AP3S2: variants seen among roughly 807,000 people sequenced by gnomAD.
AP3S2 encodes the protein AP-3 complex subunit sigma-2.
In AP3S2, 22 loss-of-function variants were observed where a neutral mutation model predicts 23.4. That is an observed-to-expected ratio of 0.94 (90% CI 0.67 to 1.34). The LOEUF is 1.34. AP3S2 is among the 40% of genes most tolerant of loss of function. AP3S2 has a pLI of 0.00. For missense variants in AP3S2, 241 were observed against 236.9 expected (o/e 1.02, Z -0.11); for synonymous variants, 86 against 87.1 (o/e 0.99, Z 0.07).
intron 3 of AP3S2, among the ~76,000 whole-genome samples, chr15:89,881,130 G>A (rs1255196341): frequency 6.6e-6 from 1 of 152,180 alleles, no homozygotes; most frequent in Non-Finnish European, 1.5e-5. Context: ...GACAGAACAA[G>A]TATAAAGGCC....
rs764338290 is a variant in AP3S2, at chr15:89,835,453, C to T, written c.*62G>A. 21 of 1,600,270 alleles carry T rather than the reference C, an allele frequency of 1.3e-5. No individual in the cohort carries two copies. Among genetic ancestry groups the T allele is most frequent in the South Asian group, 5.6e-5 (5 of 89,512 alleles). On this transcript the variant is annotated 3_prime_UTR_variant, in exon 6 of 6. Transcript: ENST00000336418. ...GCTCAAAATGGGTTCTGTTTCCAGA[C>T]GTGCTTGCCTTGCTTGTCTTTGCTT... is the stretch of plus-strand genomic sequence containing the variant.
intron 3 of AP3S2, chr15:89,877,204 C>A: frequency 3.1e-6 from 2 of 651,034 alleles, no homozygotes; most frequent in South Asian, 2.8e-5. Flanking sequence ...TTTAGATGCT[C>A]AGTATGAAAA....
At chr15:89,869,581 A>AG (rs1279721975) in intron 4 of AP3S2, among the ~76,000 whole-genome samples, 14 of 151,118 alleles carry the variant, frequency 9.3e-5, no homozygotes, top group Non-Finnish European at 1.9e-4. Flanking sequence ...AAAAAAAAAA[A>AG]AAAAAGAAAA....
intron 3 of AP3S2, among the ~76,000 whole-genome samples, chr15:89,882,904 T>G (rs1896605795): frequency 6.6e-6 from 1 of 152,204 alleles, no homozygotes; most frequent in Admixed American, 6.5e-5. Context: ...TTCTATAAAC[T>G]CTCCTGACGG....
chr15:89,880,389 AC>A (rs1896541881), intron 3 of AP3S2, among the ~76,000 whole-genome samples: 1 of 152,184 alleles, frequency 6.6e-6, no homozygotes, highest in Non-Finnish European at 1.5e-5. Context: ...GGTATGTGAA[AC>A]TATATTGAAA....
At position 89,835,290 on chromosome 15, in the gene AP3S2, C is replaced by A; in HGVS notation, c.*225G>T. On this transcript the variant is annotated 3_prime_UTR_variant, in exon 6 of 6. Coordinates refer to ENST00000336418, the MANE Select transcript of AP3S2 (RefSeq NM_005829.5). Reference sequence around the variant, plus strand: ...CCCTCACATCTGCAGTGGCCGTATGCATCAGAGAACGGCATGACTGCACAT... The same window carrying A: ...CCCTCACATCTGCAGTGGCCGTATGAATCAGAGAACGGCATGACTGCACAT... 3.0e-6 allele frequency: 2 copies of A among 666,320 alleles called. No individual in the cohort carries two copies. Among genetic ancestry groups the A allele is most frequent in the South Asian group, 2.4e-5 (1 of 42,052 alleles). The allele number at this position is 666,320 out of a possible 1,614,324, so 41.3% of individuals were successfully genotyped here.
intron 1 of AP3S2, 176 bp from the exon 2 acceptor site, chr15:89,889,316 G>A (rs1374638428): frequency 3.0e-6 from 2 of 658,708 alleles, no homozygotes; most frequent in Non-Finnish European, 5.1e-6. Flanking sequence ...TGAAAGATGG[G>A]TGACAATGCT....
intron 3 of AP3S2, among the ~76,000 whole-genome samples, chr15:89,886,022 A>G (rs1014421792): frequency 2.6e-5 from 4 of 151,838 alleles, no homozygotes; most frequent in East Asian, 1.9e-4. Flanking sequence ...CCAATGTACA[A>G]TGTACACTAA....
At chr15:89,854,292 A>G (rs1371638752) in intron 4 of AP3S2, among the ~76,000 whole-genome samples, 9 of 7,194 alleles carry the variant, frequency 1.3e-3, no homozygotes, top group Non-Finnish European at 1.8e-3. Context: ...CGGGAGGGAG[A>G]TGGGGGGGTC....
chr15:89,885,088 A>T (rs185477143), intron 3 of AP3S2, among the ~76,000 whole-genome samples: 1 of 152,334 alleles, frequency 6.6e-6, no homozygotes, highest in Admixed American at 6.5e-5. Context: ...AACTTTAAAA[A>T]ATTCTACTGT....
At chr15:89,869,567 T>TAAAA (rs527600193) in intron 4 of AP3S2, among the ~76,000 whole-genome samples, 4 of 123,416 alleles carry the variant, frequency 3.2e-5, no homozygotes, top group Admixed American at 8.0e-5. Flanking sequence ...GAATTATCAA[T>TAAAA]AAAAAAAAAA....
At chr15:89,883,606 T>C (rs1896624061) in intron 3 of AP3S2, among the ~76,000 whole-genome samples, 1 of 152,080 alleles carries the variant, frequency 6.6e-6, no homozygotes, top group African/African-American at 2.4e-5. Context: ...CTTGAACTCC[T>C]GAGCTCAAGT....
chr15:89,889,863 C>CAAAAAAAA, intron 1 of AP3S2, among the ~76,000 whole-genome samples: 1 of 19,262 alleles, frequency 5.2e-5, no homozygotes, highest in Middle Eastern at 0.015. Flanking sequence ...GACTCCATCT[C>CAAAAAAAA]AAAAAAAAAA....
chr15:89,855,906 T>A (rs1596198416), intron 4 of AP3S2, among the ~76,000 whole-genome samples: 2 of 109,136 alleles, frequency 1.8e-5, no homozygotes, highest in Non-Finnish European at 1.8e-5. Flanking sequence ...TCTGCACCAA[T>A]AATTCCAGCA....
chr15:89,891,617 C>G (rs1473442051), intron 1 of AP3S2, among the ~76,000 whole-genome samples: 1 of 151,386 alleles, frequency 6.6e-6, no homozygotes, highest in Non-Finnish European at 1.5e-5. Context: ...CGAGATCACG[C>G]CACTGCAGCC....
At chr15:89,868,819 T>TGG (rs1290103122) in intron 4 of AP3S2, among the ~76,000 whole-genome samples, 1 of 93,644 alleles carries the variant, frequency 1.1e-5, no homozygotes. Context: ...GGGAGGGAGG[T>TGG]GGGGGGGTCA....
At chr15:89,884,880 C>T (rs376406547) in intron 3 of AP3S2, among the ~76,000 whole-genome samples, 77 of 152,206 alleles carry the variant, frequency 5.1e-4, no homozygotes, top group African/African-American at 1.7e-3. Flanking sequence ...GAACTCCTGA[C>T]CTCGTGATCC....
chr15:89,836,692 G>T (rs773133770), intron 5 of AP3S2, among the ~76,000 whole-genome samples: 2 of 152,108 alleles, frequency 1.3e-5, no homozygotes, highest in Non-Finnish European at 2.9e-5. Flanking sequence ...TACCAACTCT[G>T]CTTCTGCCCT....
At chr15:89,889,863 CAA>C (rs940624860) in intron 1 of AP3S2, among the ~76,000 whole-genome samples, 609 of 19,020 alleles carry the variant, frequency 0.032, no homozygotes, top group African/African-American at 0.096. Context: ...GACTCCATCT[CAA>C]AAAAAAAAAA....
Sources: gnomAD v4.1 joint callset for allele counts (sites outside exome capture counted in the v4.1 genomes callset) on GRCh38, gnomAD v4.1.1 for gene constraint, MANE v1.5 for transcripts, NCBI Gene and HGNC (gene_info 2026-07-23, HGNC 2026-07-21) for gene names.